Variants in ARHGAP15 observed in about 807,000 individuals in gnomAD.
The protein encoded by ARHGAP15 is rho GTPase-activating protein 15.
A neutral mutation model predicts 63.7 loss-of-function variants in ARHGAP15; 51 were observed. The observed-to-expected ratio is 0.80, with a 90% confidence interval of 0.64 to 1.01. The LOEUF is 1.01. ARHGAP15 is among the 50% of genes least tolerant of loss of function. The pLI is 0.00. For synonymous variants in ARHGAP15, 191 were observed against 193.8 expected, an observed-to-expected ratio of 0.99 and a Z score of 0.12; for missense variants, 560 against 564.6, an observed-to-expected ratio of 0.99 and a Z score of 0.08.
chr2:143,409,242 C>A (rs1160486161), intron 6 of ARHGAP15, among the ~76,000 whole-genome samples: 3 of 151,914 alleles, frequency 2.0e-5, no homozygotes, highest in African/African-American at 7.2e-5. Context: ...TACACCCACA[C>A]CTACCAATAG....
rs147891307 is a variant in ARHGAP15, at chr2:143,413,971, G to GCGCGCGCGCGCA, written c.475-21629_475-21628insGCGCGCGCGCAC. Among the ~76,000 whole-genome samples the GCGCGCGCGCGCA allele has an allele frequency of 2.5e-3, 370 of 147,712 alleles. 2 individuals carry two copies. The highest frequency in any genetic ancestry group is 0.01 in the Middle Eastern group (3 of 286). ...TGTGTGTGTGTGTGTGTGTGTGCGC[G>GCGCGCGCGCGCA]CTCTCTGGCAGAAAGTTAATCTGAA... is the stretch of plus-strand genomic sequence containing the variant. On this transcript the variant is annotated intron_variant, in intron 6 of 13. Coordinates refer to ENST00000295095, the MANE Select transcript of ARHGAP15 (RefSeq NM_018460.4).
intron 13 of ARHGAP15, among the ~76,000 whole-genome samples, chr2:143,744,067 A>G (rs1686067517): frequency 6.6e-6 from 1 of 152,198 alleles, no homozygotes; most frequent in African/African-American, 2.4e-5. Context: ...TCACAATTGT[A>G]TTTATAGCTA....
chr2:143,741,730 C>A (rs1417439276), intron 13 of ARHGAP15, among the ~76,000 whole-genome samples: 1 of 152,170 alleles, frequency 6.6e-6, no homozygotes, highest in Non-Finnish European at 1.5e-5. Context: ...GACCAGGCAG[C>A]CTGGAGACTT....
intron 9 of ARHGAP15, among the ~76,000 whole-genome samples, chr2:143,512,846 C>T (rs756525464): frequency 5.3e-5 from 8 of 152,190 alleles, no homozygotes; most frequent in Non-Finnish European, 7.3e-5. Context: ...TTCCTGTGTC[C>T]GCTCATCTGC....
intron 13 of ARHGAP15, among the ~76,000 whole-genome samples, chr2:143,749,623 G>A (rs1686295256): frequency 6.6e-6 from 1 of 152,174 alleles, no homozygotes; most frequent in South Asian, 2.1e-4. Flanking sequence ...TACCTACAGA[G>A]TTTCACCCCT....
intron 8 of ARHGAP15, among the ~76,000 whole-genome samples, chr2:143,476,254 G>A (rs75828981): frequency 0.011 from 1,709 of 152,096 alleles, 19 homozygotes; most frequent in Admixed American, 0.013. Context: ...AGACTTCTTT[G>A]AAACATGTTT....
At chr2:143,267,996 A>G (rs1681080472) in intron 6 of ARHGAP15, among the ~76,000 whole-genome samples, 1 of 152,106 alleles carries the variant, frequency 6.6e-6, no homozygotes, top group South Asian at 2.1e-4. Context: ...TTTGCTTGGG[A>G]AAAAACCATC....
intron 5 of ARHGAP15, among the ~76,000 whole-genome samples, chr2:143,249,419 T>TA (rs1467379024): frequency 6.6e-6 from 1 of 152,114 alleles, no homozygotes. Flanking sequence ...AATATGTTTT[T>TA]AAAACATATT....
intron 8 of ARHGAP15, among the ~76,000 whole-genome samples, chr2:143,439,580 G>C (rs1689785854): frequency 6.6e-6 from 1 of 151,320 alleles, no homozygotes; most frequent in Non-Finnish European, 1.5e-5. Context: ...ACCAGGCACT[G>C]TTCCAAGTGC....
At chr2:143,157,538 G>A (rs1320038128) in intron 2 of ARHGAP15, among the ~76,000 whole-genome samples, 1 of 151,654 alleles carries the variant, frequency 6.6e-6, no homozygotes, top group Non-Finnish European at 1.5e-5. Flanking sequence ...TGGGCAATAT[G>A]TATTCCTCGA....
At chr2:143,669,736 A>G (rs185226637) in intron 12 of ARHGAP15, among the ~76,000 whole-genome samples, 1 of 152,180 alleles carries the variant, frequency 6.6e-6, no homozygotes, top group South Asian at 2.1e-4. Context: ...CAGATCCTAG[A>G]AAATATATTT....
At chr2:143,248,623 C>G (rs1352960901) in intron 5 of ARHGAP15, among the ~76,000 whole-genome samples, 1 of 152,152 alleles carries the variant, frequency 6.6e-6, no homozygotes, top group Non-Finnish European at 1.5e-5. Flanking sequence ...CTACCTCATA[C>G]AGTTGTGAAT....
In ARHGAP15 at chr2:143,162,889, T is replaced by G. The variant is rs1284969661; in HGVS notation, c.165+7234T>G. ...ACACCCAAAAATTAAAACTGGAGAGTGTTTAATGGCAGTGTGCACTCACGA... is the reference window on the plus strand; with the variant it reads ...ACACCCAAAAATTAAAACTGGAGAGGGTTTAATGGCAGTGTGCACTCACGA... On this transcript the variant is annotated intron_variant, in intron 2 of 13. Coordinates refer to ENST00000295095, the MANE Select transcript of ARHGAP15 (RefSeq NM_018460.4). Among the ~76,000 whole-genome samples, 4 of 152,018 alleles carry G rather than the reference T, an allele frequency of 2.6e-5. No individual in the cohort carries two copies. In the East Asian group the frequency reaches 7.8e-4, roughly 30 times the overall value.
chr2:143,464,511 C>T (rs1166861529), intron 8 of ARHGAP15, among the ~76,000 whole-genome samples: 1 of 151,992 alleles, frequency 6.6e-6, no homozygotes, highest in Non-Finnish European at 1.5e-5. Context: ...TAAATAAATC[C>T]TCTGTATATT....
At chr2:143,462,228 G>A (rs1250927399) in intron 8 of ARHGAP15, among the ~76,000 whole-genome samples, 1 of 152,092 alleles carries the variant, frequency 6.6e-6, no homozygotes, top group Non-Finnish European at 1.5e-5. Context: ...AGTAAATAAA[G>A]TAAACTATAA....
chr2:143,644,767 A>G (rs1320023446), intron 12 of ARHGAP15, among the ~76,000 whole-genome samples: 1 of 152,112 alleles, frequency 6.6e-6, no homozygotes, highest in Non-Finnish European at 1.5e-5. Context: ...TTGGATTCTC[A>G]CGTGAAAAAT....
chr2:143,165,998 GAAA>G (rs1558787778), intron 2 of ARHGAP15, among the ~76,000 whole-genome samples: 10 of 126,232 alleles, frequency 7.9e-5, no homozygotes, highest in Non-Finnish European at 1.7e-4. Flanking sequence ...AAGAAAGAAA[GAAA>G]GAAGGAAGGA....
intron 2 of ARHGAP15, among the ~76,000 whole-genome samples, chr2:143,172,672 G>A (rs73962360): frequency 0.018 from 2,804 of 152,192 alleles, 100 homozygotes; most frequent in African/African-American, 0.065. Context: ...CTGGGTGGAT[G>A]ATAGTGCCAA....
chr2:143,755,111 C>T (rs1027639724), intron 13 of ARHGAP15, among the ~76,000 whole-genome samples: 5 of 152,070 alleles, frequency 3.3e-5, no homozygotes, highest in African/African-American at 1.2e-4. Flanking sequence ...ATCATTAATC[C>T]GGCAGCCCAA....
Sources: gnomAD v4.1 joint callset for allele counts (sites outside exome capture counted in the v4.1 genomes callset) on GRCh38, gnomAD v4.1.1 for gene constraint, MANE v1.5 for transcripts, NCBI Gene and HGNC (gene_info 2026-07-23, HGNC 2026-07-21) for gene names.